The following CHRNA5 variants were observed in gnomAD, a reference collection of about 807,000 sequenced individuals.
The protein encoded by CHRNA5 is cholinergic receptor nicotinic alpha 5 subunit.
In CHRNA5, 28 loss-of-function variants were observed where a neutral mutation model predicts 41.2. The ratio of observed to expected loss-of-function variants is 0.68; its 90% CI spans 0.50 to 0.93. The LOEUF is 0.93. CHRNA5 is among the 40% of genes least tolerant of loss of function. CHRNA5 has a pLI of 0.00. For synonymous variants in CHRNA5, 188 were observed against 205.8 expected, an observed-to-expected ratio of 0.91 and a Z score of 0.74; for missense variants, 481 against 581.9, an observed-to-expected ratio of 0.83 and a Z score of 1.78.
intron 5 of CHRNA5, chr15:78,591,389 AAAG>A (rs997035353): frequency 6.6e-6 from 1 of 151,908 alleles, no homozygotes; most frequent in Non-Finnish European, 1.5e-5. Flanking sequence ...AAAAAAAAAA[AAAG>A]TTCTTTTAAA....
rs35117191 is a variant in CHRNA5, at chr15:78,588,884, A to ATT, written c.413+473_413+474dup. On this transcript the variant is annotated intron_variant, in intron 4 of 5. Coordinates refer to ENST00000299565, the Ensembl canonical transcript of CHRNA5. The surrounding 1 kb of genome is among the most constrained non-coding windows in gnomAD (Gnocchi z 4.1). ...CATCCTACCTAGGTGTGTTTTGAGG[A>ATT]TTTTTTTTTTTTTAACTTAGGGGAG... 0.072 allele frequency among the ~76,000 whole-genome samples: 10,626 copies of ATT among 147,328 alleles called. 518 individuals are homozygous for ATT. Among genetic ancestry groups the ATT allele is most frequent in the African/African-American group, 0.14 (5,469 of 40,138 alleles).
intron 5 of CHRNA5, among the ~76,000 whole-genome samples, chr15:78,592,508 CCTT>C (rs1416958381): frequency 6.6e-6 from 1 of 152,134 alleles, no homozygotes; most frequent in Non-Finnish European, 1.5e-5. Context: ...CTGGGCTCAT[CCTT>C]CTTTTTCCTT....
At chr15:78,587,376 T>C (rs2052970259) in intron 3 of CHRNA5, among the ~76,000 whole-genome samples, 2 of 152,036 alleles carry the variant, frequency 1.3e-5, no homozygotes, top group South Asian at 4.2e-4. Flanking sequence ...GAGAAGATAA[T>C]GTCTGAACAA....
At chr15:78,565,576 G>C (rs891814444) in exon 1 of CHRNA5, 12 of 223,028 alleles carry the variant, frequency 5.4e-5, no homozygotes, top group Admixed American at 4.6e-4. Flanking sequence ...CCCGGCGGGA[G>C]CTGTGGCGCG....
At chr15:78,590,711 G>C in intron 5 of CHRNA5, 75 bp downstream of exon 5, 3 of 1,255,954 alleles carry the variant, frequency 2.4e-6, no homozygotes, top group Non-Finnish European at 3.3e-6. Context: ...AATTTTGGCA[G>C]AGTAAACAGC....
rs200911665 is a variant in CHRNA5, at chr15:78,593,272, A to G, written c.*19A>G. 32 of 1,590,532 alleles carry G rather than the reference A, an allele frequency of 2.0e-5. No individual in the cohort carries two copies. The African/African-American group carries it at 4.1e-4, about 20-fold the overall frequency. ...TAAGTGAAGCCTCCCAAGGGACTGA[A>G]GTATACATTTAGTTAACACACATAT... On this transcript the variant is annotated 3_prime_UTR_variant, in exon 6 of 6. Coordinates refer to ENST00000299565, the Ensembl canonical transcript of CHRNA5.
chr15:78,574,131 T>C (rs1322929598), intron 1 of CHRNA5, among the ~76,000 whole-genome samples: 1 of 151,048 alleles, frequency 6.6e-6, no homozygotes, highest in Non-Finnish European at 1.5e-5. Flanking sequence ...GTTTTTTAAA[T>C]CCTCAGGGGG....
At chr15:78,593,328 G>GT (rs2053042949) in exon 6 of CHRNA5, 4 of 1,390,564 alleles carry the variant, frequency 2.9e-6, no homozygotes, top group Non-Finnish European at 2.9e-6. Flanking sequence ...TTATGAAAAT[G>GT]TAAGTTATGT....
At chr15:78,586,761 C>A (rs1265372448) in intron 3 of CHRNA5, 72 bp downstream of exon 3, 5 of 1,053,492 alleles carry the variant, frequency 4.7e-6, no homozygotes, top group Non-Finnish European at 5.8e-6. Flanking sequence ...TGTATTGTAG[C>A]AGAAATACAA....
intron 1 of CHRNA5, among the ~76,000 whole-genome samples, chr15:78,568,405 T>C (rs2052769047): frequency 6.6e-6 from 1 of 152,346 alleles, no homozygotes; most frequent in African/African-American, 2.4e-5. Context: ...ATTTCTTAGC[T>C]ATGTGACATT....
chr15:78,587,665 ATT>A (rs35829982), intron 3 of CHRNA5, among the ~76,000 whole-genome samples: 2 of 151,634 alleles, frequency 1.3e-5, no homozygotes, highest in South Asian at 4.2e-4. Flanking sequence ...AATGAAATGA[ATT>A]TTTTTTTAAT....
chr15:78,594,127 T>A (rs1018463006), exon 6 of CHRNA5: 4 of 152,212 alleles, frequency 2.6e-5, no homozygotes, highest in African/African-American at 9.6e-5. Context: ...AATTGGGAAC[T>A]CCTTTAAGGC....
chr15:78,582,484 C>CAA (rs1226351992), intron 2 of CHRNA5, among the ~76,000 whole-genome samples: 2 of 102,994 alleles, frequency 1.9e-5, no homozygotes, highest in African/African-American at 7.0e-5. Context: ...GACTCTGTCT[C>CAA]AAAAAAAAAA....
intron 1 of CHRNA5, among the ~76,000 whole-genome samples, chr15:78,574,309 G>C (rs1424413594): frequency 1.3e-5 from 2 of 150,736 alleles, no homozygotes; most frequent in African/African-American, 2.4e-5. Context: ...GAACCTGGGA[G>C]GTGGAGGTTG....
chr15:78,589,757 G>A (rs71528531), intron 4 of CHRNA5, 48 bp from the exon 5 acceptor site: 1 of 1,335,806 alleles, frequency 7.5e-7, no homozygotes, highest in Non-Finnish European at 1.0e-6. Context: ...TACAATTCAT[G>A]TGCATTGTTT....
chr15:78,565,708 G>T (rs112992268), exon 1 of CHRNA5: 3 of 1,125,298 alleles, frequency 2.7e-6, no homozygotes, highest in African/African-American at 3.3e-5. Flanking sequence ...GGTCCCGCGC[G>T]GGCGCGGGGC....
chr15:78,579,107 GTA>G (rs1043637921), intron 1 of CHRNA5, among the ~76,000 whole-genome samples: 2 of 150,048 alleles, frequency 1.3e-5, no homozygotes, highest in African/African-American at 4.9e-5. Context: ...TTTCTTTTTA[GTA>G]TATTTAATGG....
intron 2 of CHRNA5, among the ~76,000 whole-genome samples, chr15:78,584,850 T>C (rs920919331): frequency 1.2e-4 from 18 of 152,222 alleles, no homozygotes; most frequent in Admixed American, 1.0e-3. Context: ...CTAGGGTGGA[T>C]AGCAGAGTTG....
exon 6 of CHRNA5, chr15:78,593,150 T>G (rs759802002): frequency 2.1e-5 from 34 of 1,613,408 alleles, no homozygotes; most frequent in African/African-American, 4.0e-5. Flanking sequence ...CTGTGGACTT[T>G]TCTTTTCGTT....
Sources: gnomAD v4.1 joint callset for allele counts (sites outside exome capture counted in the v4.1 genomes callset) on GRCh38, gnomAD v4.1.1 for gene constraint, Gnocchi (gnomAD v3.1) non-coding constraint, MANE v1.5 for transcripts, NCBI Gene and HGNC (gene_info 2026-07-23, HGNC 2026-07-21) for gene names.